ST6GAL2: variants seen among roughly 807,000 people sequenced by gnomAD.
ST6GAL2 encodes the protein beta-galactoside alpha-2,6-sialyltransferase 2.
A neutral mutation model predicts 37.5 loss-of-function variants in ST6GAL2; 24 were observed. The observed-to-expected ratio is 0.64, with a 90% CI of 0.46 to 0.90. ST6GAL2 has a LOEUF of 0.90. Ranked by LOEUF, ST6GAL2 falls within the 40% of genes least tolerant of loss-of-function variation. ST6GAL2 has a pLI of 0.00. For synonymous variants in ST6GAL2, 306 were observed against 295.1 expected (o/e 1.04, Z -0.38); for missense variants, 715 against 712.7 (o/e 1.00, Z -0.04).
intron 1 of ST6GAL2, among the ~76,000 whole-genome samples, chr2:106,865,216 T>C (rs562169543): frequency 3.9e-5 from 6 of 152,322 alleles, no homozygotes; most frequent in African/African-American, 1.4e-4. Flanking sequence ...AACTGGCTCA[T>C]AAATCTCCTG....
chr2:106,859,093 C>A (rs150675274), intron 1 of ST6GAL2, among the ~76,000 whole-genome samples: 28 of 152,286 alleles, frequency 1.8e-4, no homozygotes, highest in Middle Eastern at 3.4e-3. Flanking sequence ...AAGGACTAGA[C>A]AATCTTCCTG....
intron 1 of ST6GAL2, among the ~76,000 whole-genome samples, chr2:106,857,817 C>T (rs767880999): frequency 2.0e-5 from 3 of 152,024 alleles, no homozygotes; most frequent in Non-Finnish European, 2.9e-5. Context: ...GCAGCACGGC[C>T]GAAGGAGGTT....
chr2:106,862,988 C>CTTT (rs59565436), intron 1 of ST6GAL2, among the ~76,000 whole-genome samples: 1 of 148,646 alleles, frequency 6.7e-6, no homozygotes, highest in Non-Finnish European at 1.5e-5. Flanking sequence ...ATGTAAATGT[C>CTTT]TTTTTTTTTT....
chr2:106,810,985 T>C (rs1472702837), intron 5 of ST6GAL2, among the ~76,000 whole-genome samples: 2 of 147,732 alleles, frequency 1.4e-5, no homozygotes, highest in Non-Finnish European at 3.0e-5. Context: ...AAACTAGTAA[T>C]AATAAAACTG....
intron 5 of ST6GAL2, among the ~76,000 whole-genome samples, chr2:106,821,745 T>G (rs1186236573): frequency 6.6e-6 from 1 of 152,078 alleles, no homozygotes; most frequent in East Asian, 1.9e-4. Context: ...TGATGAATAT[T>G]GATTTTAAAA....
chr2:106,836,773 C>CAAAAAAAAAAAAAAAAAAA (rs70956213), intron 2 of ST6GAL2, among the ~76,000 whole-genome samples: 1 of 70,262 alleles, frequency 1.4e-5, no homozygotes, highest in Non-Finnish European at 2.6e-5. Context: ...ACTAAAAATA[C>CAAAAAAAAAAAAAAAAAAA]AAAAAAAAAA....
intron 2 of ST6GAL2, 102 bp from the exon 3 acceptor site, chr2:106,834,248 A>G (rs1676543364): frequency 2.7e-6 from 2 of 750,640 alleles, no homozygotes; most frequent in African/African-American, 1.7e-5. Context: ...AGCTAATTAT[A>G]CATCACCAAT....
At chr2:106,844,770 G>C (rs1261006765) in intron 1 of ST6GAL2, among the ~76,000 whole-genome samples, 1 of 152,180 alleles carries the variant, frequency 6.6e-6, no homozygotes, top group East Asian at 1.9e-4. Context: ...AATAGGAGGA[G>C]AGATGGGGAG....
chr2:106,864,925 C>G (rs1329507418), intron 1 of ST6GAL2, among the ~76,000 whole-genome samples: 1 of 152,104 alleles, frequency 6.6e-6, no homozygotes, highest in African/African-American at 2.4e-5. Flanking sequence ...ACAATAATCT[C>G]TCAGGGAGGG....
At chr2:106,819,259 G>A (rs562539122) in intron 5 of ST6GAL2, among the ~76,000 whole-genome samples, 2 of 151,820 alleles carry the variant, frequency 1.3e-5, no homozygotes, top group East Asian at 3.9e-4. Flanking sequence ...AGAACACCAA[G>A]CAGATTTAAC....
intron 5 of ST6GAL2, among the ~76,000 whole-genome samples, chr2:106,819,078 A>G (rs1206556403): frequency 2.6e-5 from 4 of 152,144 alleles, no homozygotes; most frequent in African/African-American, 9.7e-5. Context: ...AAGAAAGAAT[A>G]AAGTACACCT....
chr2:106,855,043 T>C (rs1183552452), intron 1 of ST6GAL2, among the ~76,000 whole-genome samples: 1 of 152,204 alleles, frequency 6.6e-6, no homozygotes, highest in Non-Finnish European at 1.5e-5. Flanking sequence ...GAGCTTATTA[T>C]AATTTATGCT....
chr2:106,804,675 AC>A lies in ST6GAL2; in HGVS notation c.*2002del, dbSNP rs1378087721. On this transcript the variant is annotated 3_prime_UTR_variant, in exon 6 of 6. Transcript: ENST00000409382. ...GCTAACACGGTGAAACCCTGTCTCT[AC>A]TAAAAATACAAAAAATTAGCTGGGC... 3 of 152,054 alleles carry A rather than the reference AC, an allele frequency of 2.0e-5. No homozygotes were observed. Among genetic ancestry groups the A allele is most frequent in the Non-Finnish European group, 4.4e-5 (3 of 68,034 alleles). 9.4% of individuals were successfully genotyped at this position (152,054 alleles called of 1,614,324 possible). A position where few individuals can be genotyped will look rare whatever the true frequency, so the allele number is the denominator to read the frequency against.
At chr2:106,839,327 T>C (rs1289047089) in intron 2 of ST6GAL2, among the ~76,000 whole-genome samples, 2 of 152,032 alleles carry the variant, frequency 1.3e-5, no homozygotes, top group Admixed American at 1.3e-4. Context: ...TCTTTACCAA[T>C]CTCTTCTCTC....
At chr2:106,822,410 C>T (rs559599595) in intron 5 of ST6GAL2, among the ~76,000 whole-genome samples, 1 of 152,008 alleles carries the variant, frequency 6.6e-6, no homozygotes, top group African/African-American at 2.4e-5. Flanking sequence ...TTTACAATAA[C>T]TACAAATAAA....
At chr2:106,850,496 T>C (rs905866307) in intron 1 of ST6GAL2, among the ~76,000 whole-genome samples, 13 of 152,188 alleles carry the variant, frequency 8.5e-5, no homozygotes, top group African/African-American at 2.9e-4. Context: ...TCTCAACTTT[T>C]AATAATCCAA....
At chr2:106,877,210 G>A (rs1328180922) in intron 1 of ST6GAL2, among the ~76,000 whole-genome samples, 1 of 152,122 alleles carries the variant, frequency 6.6e-6, no homozygotes, top group Non-Finnish European at 1.5e-5. Context: ...TTCAAGTTGG[G>A]GATATAGCCA....
chr2:106,870,256 C>G (rs769835784), intron 1 of ST6GAL2, among the ~76,000 whole-genome samples: 1 of 152,170 alleles, frequency 6.6e-6, no homozygotes, highest in Admixed American at 6.5e-5. Context: ...CACCAAGAGA[C>G]AGCCTTTCTT....
intron 1 of ST6GAL2, among the ~76,000 whole-genome samples, chr2:106,864,765 A>G (rs1427751349): frequency 6.6e-6 from 1 of 152,210 alleles, no homozygotes. Context: ...TGCTCAAAGA[A>G]TCTTCATTCT....
Sources: gnomAD v4.1 joint callset for allele counts (sites outside exome capture counted in the v4.1 genomes callset) on GRCh38, gnomAD v4.1.1 for gene constraint, MANE v1.5 for transcripts, NCBI Gene and HGNC (gene_info 2026-07-23, HGNC 2026-07-21) for gene names.